The following CELSR3 variants were observed in gnomAD, a reference collection of about 807,000 sequenced individuals.
CELSR3 encodes the protein EGF-like protein 1.
A neutral mutation model predicts 270.0 loss-of-function variants in CELSR3; 73 were observed. The ratio of observed to expected loss-of-function variants is 0.27; its 90% confidence interval spans 0.22 to 0.33. The LOEUF is 0.33. Among genes scored for constraint, CELSR3 ranks in the 10% least tolerant of loss-of-function variants. The pLI is 1.00. For synonymous variants in CELSR3, 1,780 were observed against 1,905.4 expected, an observed-to-expected ratio of 0.93 and a Z score of 1.71; for missense variants, 3,614 against 4,533.8, an observed-to-expected ratio of 0.80 and a Z score of 5.83.
In CELSR3 at chr3:48,644,120, C is replaced by T. The variant is rs1364033439; in HGVS notation, c.8165+96G>A. 9.9e-6 allele frequency: 10 copies of T among 1,013,328 alleles called. No individual in the cohort carries two copies. The Admixed American group carries it at 1.9e-4, about 20-fold the overall frequency. The allele number at this position is 1,013,328 out of a possible 1,614,324, so 62.8% of individuals were successfully genotyped here. ...TCATTCCTTCATCTAGAACTTGGAG[C>T]CCAACCTGCACCAGGGAAGATCTGG... On this transcript the variant is annotated intron_variant, in intron 27 of 34. Transcript: ENST00000164024. The surrounding 1 kb of genome is among the most constrained non-coding windows in gnomAD (Gnocchi z 4.8).
chr3:48,657,734 C>A lies in CELSR3; in HGVS notation c.3749-386G>T, dbSNP rs1359672571. ...CTCAGGACACAGAGAGGAGCTAGGG[C>A]CACTGGCCACTCATTCCCAGCCACC... On this transcript the variant is annotated intron_variant, in intron 1 of 34. Transcript: ENST00000164024. The surrounding 1 kb of genome is among the most constrained non-coding windows in gnomAD (Gnocchi z 5.4). 6.6e-6 allele frequency among the ~76,000 whole-genome samples: 1 copy of A among 152,192 alleles called. No individual in the cohort carries two copies. The highest frequency in any genetic ancestry group is 6.5e-5 in the Admixed American group (1 of 15,288).
intron 19 of CELSR3, 69 bp downstream of exon 19, chr3:48,648,197 C>T (rs1284938279): frequency 1.6e-5 from 24 of 1,539,438 alleles, no homozygotes; most frequent in Non-Finnish European, 2.0e-5. Flanking sequence ...CACAGCCCCT[C>T]AGACCTTCAG....
In CELSR3 at chr3:48,660,437, G is replaced by A. The variant is rs1458485532; in HGVS notation, c.2198C>T (p.Ser733Leu). The change falls in exon 1 of 35, where the codon TCA (serine) becomes TTA (leucine). Residue 733 changes from serine to leucine, a missense_variant. Ser to Leu is a moderately radical substitution (Grantham distance 145, BLOSUM62 -2). Transcript: ENST00000164024. The surrounding 1 kb of genome is among the most constrained non-coding windows in gnomAD (Gnocchi z 5.5). ...FFGVEARDHG[S>L]PPLSASASVT... is the part of the protein sequence containing the mutation. ...ACTGGCTGAGGCAGAGAGTGGGGGT[G>A]AGCCATGGTCTCGAGCCTCCACACC... The A allele has an allele frequency of 6.2e-7, 1 of 1,613,996 alleles. No individual in the cohort carries two copies. Among genetic ancestry groups the A allele is most frequent in the Non-Finnish European group, 8.5e-7 (1 of 1,180,044 alleles).
chr3:48,653,825 C>T lies in CELSR3; in HGVS notation c.5279-37G>A. 6.2e-7 allele frequency: 1 copy of T among 1,612,410 alleles called. No homozygotes were observed. On this transcript the variant is annotated intron_variant, in intron 8 of 34. Transcript: ENST00000164024. This position sits in a 1 kb window ranked among gnomAD's most constrained non-coding sequence, Gnocchi z 6.5. The stretch of plus-strand genomic sequence containing the variant: ...AGAGAAACAGGGTTACAGCCCCTGC[C>T]CCAGGAACAGATCTGACCCTGCAGG...
Position 48,657,137 on chromosome 3 carries a change from G to T in CELSR3, c.3960C>A (p.Asp1320Glu). Residue 1320 changes from aspartate (D) to glutamate (E), a missense_variant, in exon 2 of 35, where the codon GAC becomes GAA. Asp to Glu is a conservative substitution (Grantham distance 45, BLOSUM62 2). This residue lies in a region of CELSR3 where 1,331 missense variants were observed against 1,933.7 expected (regional missense o/e 0.69). Coordinates refer to ENST00000164024, the MANE Select transcript of CELSR3 (RefSeq NM_001407.3). The surrounding 1 kb of genome is among the most constrained non-coding windows in gnomAD (Gnocchi z 5.4). ...VFIFNIQNDT[D>E]VGGTVLNVSF... ...TCACATTGAGCACGGTGCCCCCTAC[G>T]TCTGTGTCGTTCTGGATGTTGAAGA... 1 of 1,614,030 alleles carries T rather than the reference G, an allele frequency of 6.2e-7. No homozygotes were observed. Among genetic ancestry groups the T allele is most frequent in the Non-Finnish European group, 8.5e-7 (1 of 1,179,972 alleles).
chr3:48,659,594 G>A lies in CELSR3; in HGVS notation c.3041C>T (p.Pro1014Leu). The change falls in exon 1 of 35, where the codon CCC becomes CTC. Residue 1014 changes from proline to leucine, a missense_variant. Pro to Leu is a moderately conservative substitution (Grantham distance 98). This residue lies in a region of CELSR3 where 1,331 missense variants were observed against 1,933.7 expected (regional missense o/e 0.69). Coordinates refer to ENST00000164024, the MANE Select transcript of CELSR3 (RefSeq NM_001407.3). The surrounding 1 kb of genome is among the most constrained non-coding windows in gnomAD (Gnocchi z 8.1). The part of the protein sequence containing the change: ...EDGDGDFTIE[P>L]TSGIVRTVRR... Reference sequence around the variant, plus strand: ...TACTGTACGGACAATTCCAGAGGTGGGCTCAATGGTAAAATCTCCATCCCC... The same window carrying A: ...TACTGTACGGACAATTCCAGAGGTGAGCTCAATGGTAAAATCTCCATCCCC... The A allele has an allele frequency of 6.2e-7, 1 of 1,614,184 alleles. No individual in the cohort carries two copies. The highest frequency in any genetic ancestry group is 8.5e-7 in the Non-Finnish European group (1 of 1,180,042).
At position 48,653,242 on chromosome 3, in the gene CELSR3, G is replaced by A; in HGVS notation, c.5449-55C>T. 1 of 1,547,598 alleles carries A rather than the reference G, an allele frequency of 6.5e-7. No individual in the cohort carries two copies. The highest frequency in any genetic ancestry group is 8.9e-7 in the Non-Finnish European group (1 of 1,126,922). ...TAGAGCCCCATGTGGGCTGGGACTT[G>A]GAGGTGAGATCAGAGGGCTCAGAGG... On this transcript the variant is annotated intron_variant, in intron 9 of 34. Coordinates refer to ENST00000164024, the MANE Select transcript of CELSR3 (RefSeq NM_001407.3). This position sits in a 1 kb window ranked among gnomAD's most constrained non-coding sequence, Gnocchi z 6.5.
chr3:48,649,220 AG>A lies in CELSR3; in HGVS notation c.6473-6del, dbSNP rs765945781. ...CACACAGCCGCACAGCAGCACCTGG[AG>A]GCAGGCAACCCCTGGTCAGGCCTGG... On this transcript the variant is annotated splice_polypyrimidine_tract_variant and splice_region_variant and intron_variant, in intron 16 of 34. Transcript: ENST00000164024. 1 of 1,606,800 alleles carries A rather than the reference AG, an allele frequency of 6.2e-7. No individual in the cohort carries two copies. The highest frequency in any genetic ancestry group is 8.5e-7 in the Non-Finnish European group (1 of 1,176,758).
In CELSR3 at chr3:48,640,366, G is replaced by A. The variant is rs1326597049; in HGVS notation, c.9219C>T (p.Asp3073=). 4.3e-6 allele frequency: 7 copies of A among 1,612,736 alleles called. No homozygotes were observed. The highest frequency in any genetic ancestry group is 5.1e-6 in the Non-Finnish European group (6 of 1,179,954). The change falls in exon 34 of 35, where the codon GAC becomes GAT. Residue 3073 remains aspartate, a synonymous_variant. Transcript: ENST00000164024. This position sits in a 1 kb window ranked among gnomAD's most constrained non-coding sequence, Gnocchi z 7.5. The part of the protein sequence containing the change: ...ASRYSSREQL[D]LLLRRQLSRE... ...GGCTCAGTTGCCGCCGGAGGAGCAGGTCCAGCTGTTCTCTAGAAGAGTAGC... is the reference window on the plus strand; with the variant it reads ...GGCTCAGTTGCCGCCGGAGGAGCAGATCCAGCTGTTCTCTAGAAGAGTAGC...
At position 48,652,383 on chromosome 3, in the gene CELSR3, A is replaced by G; in HGVS notation, c.5751+54T>C. On this transcript the variant is annotated intron_variant, in intron 11 of 34. Transcript: ENST00000164024. The surrounding 1 kb of genome is among the most constrained non-coding windows in gnomAD (Gnocchi z 4.3). Reference sequence around the variant, plus strand: ...CCTTTCAGGTCCCAAGGAGCCCCTGACTTCTGACCCCTGACCCTAATGCCC... The same window carrying G: ...CCTTTCAGGTCCCAAGGAGCCCCTGGCTTCTGACCCCTGACCCTAATGCCC... The G allele has an allele frequency of 7.1e-7, 1 of 1,404,100 alleles. No individual in the cohort carries two copies. Among genetic ancestry groups the G allele is most frequent in the African/African-American group, 1.4e-5 (1 of 70,770 alleles). The allele number at this position is 1,404,100 out of a possible 1,614,324, so 87.0% of individuals were successfully genotyped here.
chr3:48,656,450 G>C (rs576588920), intron 2 of CELSR3, 85 bp from the exon 3 acceptor site: 1 of 1,273,748 alleles, frequency 7.9e-7, no homozygotes, highest in African/African-American at 1.6e-5. Context: ...CCCAGAGGCC[G>C]GGTGCCAAGA....
At position 48,648,889 on chromosome 3, in the gene CELSR3, T is replaced by C; in HGVS notation, c.6607A>G (p.Met2203Val). ...CGCTGAGCCAGCTTCTTGGCCTCCA[T>C]GGTATCCAGTGCCGTCTTGTTCAGC... Reference protein sequence around the residue: ...LELNKTALDTMEAKKLAQRLR... With the variant: ...LELNKTALDTVEAKKLAQRLR... Residue 2203 changes from methionine to valine, a missense_variant, in exon 18 of 35, where the codon ATG (methionine) becomes GTG (valine). This residue lies in a region of CELSR3 where 1,331 missense variants were observed against 1,933.7 expected (regional missense o/e 0.69). Transcript: ENST00000164024. 3 of 1,612,854 alleles carry C rather than the reference T, an allele frequency of 1.9e-6. No individual in the cohort carries two copies. Among genetic ancestry groups the C allele is most frequent in the Non-Finnish European group, 2.5e-6 (3 of 1,179,998 alleles).
At chr3:48,649,401 C>T (rs2047116773) in intron 16 of CELSR3, among the ~76,000 whole-genome samples, 186 bp from the exon 17 acceptor site, 1 of 152,244 alleles carries the variant, frequency 6.6e-6, no homozygotes, top group Non-Finnish European at 1.5e-5. Flanking sequence ...TCAGGCAATT[C>T]CTGAGAGGGC....
rs529750475 is a variant in CELSR3, at chr3:48,645,905, A to C, written c.7464-37T>G. On this transcript the variant is annotated intron_variant, in intron 22 of 34. Transcript: ENST00000164024. The surrounding 1 kb of genome is among the most constrained non-coding windows in gnomAD (Gnocchi z 5.4). ...GGGCAGTTAGACACAACTGTGACCC[A>C]GTGTCAGGCAGGGGTTTGTGAGAGA... 3.2e-6 allele frequency: 5 copies of C among 1,582,008 alleles called. No homozygotes were observed. Among genetic ancestry groups the C allele is most frequent in the Non-Finnish European group, 4.3e-6 (5 of 1,160,750 alleles).
At position 48,657,000 on chromosome 3, in the gene CELSR3, C is replaced by T; in HGVS notation, c.4097G>A (p.Arg1366His). Residue 1366 changes from arginine (R) to histidine (H), a missense_variant, in exon 2 of 35, where the codon CGC becomes CAC. Physicochemically the swap from Arg to His is conservative, Grantham distance 29 (BLOSUM62 0). Coordinates refer to ENST00000164024, the MANE Select transcript of CELSR3 (RefSeq NM_001407.3). ...LYVRRAALAA[R>H]SLLDVLPFDD... ...GAAGGGCAGTACGTCGAGCAGGGAG[C>T]GAGCCGCCAGCGCCGCCCGGCGCAC... The T allele has an allele frequency of 6.2e-7, 1 of 1,612,816 alleles. No homozygotes were observed.
rs763146968 is a variant in CELSR3, at chr3:48,642,364, C to G, written c.8659G>C (p.Asp2887His). ...TDLDVAMFHR[D>H]AGADSDSDSD... The stretch of plus-strand genomic sequence containing the variant: ...CCCCAGGCCCCAACTCCACCAGCAT[C>G]TCGATGGAACATGGCCACGTCCAGG... Residue 2887 changes from aspartate to histidine, a missense_variant, in exon 31 of 35, where the codon GAT becomes CAT. Asp to His is a moderately conservative substitution (Grantham distance 81). This residue lies in a region of CELSR3 where 1,240 missense variants were observed against 1,351.7 expected (regional missense o/e 0.92). Transcript: ENST00000164024. The surrounding 1 kb of genome is among the most constrained non-coding windows in gnomAD (Gnocchi z 6.1). 6 of 1,612,560 alleles carry G rather than the reference C, an allele frequency of 3.7e-6. No homozygotes were observed. In the South Asian group the frequency reaches 4.4e-5, roughly 12 times the overall value.
In CELSR3 at chr3:48,643,011, C is replaced by A. The variant is rs376470495; in HGVS notation, c.8362G>T (p.Gly2788Cys). 5.0e-6 allele frequency: 8 copies of A among 1,612,756 alleles called. No individual in the cohort carries two copies. Among genetic ancestry groups the A allele is most frequent in the Non-Finnish European group, 6.8e-6 (8 of 1,179,934 alleles). The change falls in exon 29 of 35, where the codon GGC (glycine) becomes TGC (cysteine). Residue 2788 changes from glycine (G) to cysteine (C), a missense_variant. Coordinates refer to ENST00000164024, the MANE Select transcript of CELSR3 (RefSeq NM_001407.3). ...ARAAWMPACLGRKAAPEEARP... is the reference protein window; with the variant it reads ...ARAAWMPACLCRKAAPEEARP... ...GCCTCCTCAGGCGCTGCCTTCCTGCCCAGACAGGCTGGCATCCAGGCAGCC... is the reference window on the plus strand; with the variant it reads ...GCCTCCTCAGGCGCTGCCTTCCTGCACAGACAGGCTGGCATCCAGGCAGCC...
Position 48,655,957 on chromosome 3 carries a change from C to A in CELSR3, c.4626-106G>T. ...GAAGGGGCTGGGGCGAGAGAGGAAG[C>A]GACGAGGGACGGCGGGACCGACCGG... On this transcript the variant is annotated intron_variant, in intron 3 of 34. Coordinates refer to ENST00000164024, the MANE Select transcript of CELSR3 (RefSeq NM_001407.3). This position sits in a 1 kb window ranked among gnomAD's most constrained non-coding sequence, Gnocchi z 5.8. 1.7e-6 allele frequency: 2 copies of A among 1,163,560 alleles called. No homozygotes were observed. The highest frequency in any genetic ancestry group is 1.4e-5 in the South Asian group (1 of 74,048). The allele number at this position is 1,163,560 out of a possible 1,614,324, so 72.1% of individuals were successfully genotyped here.
Position 48,660,213 on chromosome 3 carries a change from C to G in CELSR3, c.2422G>C (p.Gly808Arg). 6.2e-7 allele frequency: 1 copy of G among 1,614,130 alleles called. No homozygotes were observed. Among genetic ancestry groups the G allele is most frequent in the Non-Finnish European group, 8.5e-7 (1 of 1,180,034 alleles). Reference sequence around the variant, plus strand: ...GCCAGAGTCACCAGACCCACACCCCCCTGGGTGCTGATGGCAAAGCGATTC... The same window carrying G: ...GCCAGAGTCACCAGACCCACACCCCGCTGGGTGCTGATGGCAAAGCGATTC... ...TRNRFAISTQ[G>R]GVGLVTLALP... is the part of the protein sequence containing the mutation. The change falls in exon 1 of 35, where the codon GGG becomes CGG. Residue 808 changes from glycine to arginine, a missense_variant. Coordinates refer to ENST00000164024, the MANE Select transcript of CELSR3 (RefSeq NM_001407.3). This position sits in a 1 kb window ranked among gnomAD's most constrained non-coding sequence, Gnocchi z 5.5.
Sources: gnomAD v4.1 joint callset for allele counts (sites outside exome capture counted in the v4.1 genomes callset) on GRCh38, gnomAD v4.1.1 for gene constraint, gnomAD v4.1.1 regional missense constraint, Gnocchi (gnomAD v3.1) non-coding constraint, MANE v1.5 for transcripts, NCBI Gene and HGNC (gene_info 2026-07-23, HGNC 2026-07-21) for gene names.